The following NRDE2 variants were observed in gnomAD, a reference collection of about 807,000 sequenced individuals.
NRDE2 encodes nuclear exosome regulator NRDE2.
A neutral mutation model predicts 124.2 loss-of-function variants in NRDE2; 76 were observed. The ratio of observed to expected loss-of-function variants is 0.61; its 90% CI spans 0.51 to 0.74. The LOEUF is 0.74. NRDE2 is among the 30% of genes least tolerant of loss of function. The pLI, the probability that NRDE2 is intolerant of heterozygous loss-of-function variation, is 0.00. For synonymous variants in NRDE2, 489 were observed against 528.1 expected, an observed-to-expected ratio of 0.93 and a Z score of 1.01; for missense variants, 1,314 against 1,417.3, an observed-to-expected ratio of 0.93 and a Z score of 1.17.
chr14:90,278,302 G>A lies in NRDE2; in HGVS notation c.*34C>T. 1.2e-6 allele frequency: 2 copies of A among 1,613,366 alleles called. No individual in the cohort carries two copies. The highest frequency in any genetic ancestry group is 1.7e-6 in the Non-Finnish European group (2 of 1,179,502). Reference sequence around the variant, plus strand: ...CTAGCTCCGCAGGGTGGGCAACTTGGCCTCGCAGGCACAGCCCGTTTTCCC... The same window carrying A: ...CTAGCTCCGCAGGGTGGGCAACTTGACCTCGCAGGCACAGCCCGTTTTCCC... On this transcript the variant is annotated 3_prime_UTR_variant, in exon 14 of 14. Coordinates refer to ENST00000354366, the MANE Select transcript of NRDE2 (RefSeq NM_017970.4).
In NRDE2 at chr14:90,270,467, A is replaced by G; in HGVS notation, c.*7869T>C. 8.5e-7 allele frequency: 1 copy of G among 1,180,730 alleles called. No individual in the cohort carries two copies. The allele number at this position is 1,180,730 out of a possible 1,614,324, so 73.1% of individuals were successfully genotyped here. On this transcript the variant is annotated 3_prime_UTR_variant, in exon 14 of 14. Transcript: ENST00000354366. ...TGGACAGGTGGGTGTCTGTATTTTAATCATCATATTGGTTTACGATTACAT... is the reference window on the plus strand; with the variant it reads ...TGGACAGGTGGGTGTCTGTATTTTAGTCATCATATTGGTTTACGATTACAT...
intron 8 of NRDE2, among the ~76,000 whole-genome samples, chr14:90,297,258 T>C (rs1362734621): frequency 6.6e-6 from 1 of 152,116 alleles, no homozygotes; most frequent in East Asian, 1.9e-4. Context: ...ACCTAGTTAA[T>C]AATTTTTTTT....
chr14:90,321,196 G>A (rs1039278353), intron 1 of NRDE2, among the ~76,000 whole-genome samples: 1 of 152,140 alleles, frequency 6.6e-6, no homozygotes, highest in African/African-American at 2.4e-5. Context: ...ACAACATACA[G>A]TGTGTGACTC....
chr14:90,275,252 A>G lies in NRDE2; in HGVS notation c.*3084T>C, dbSNP rs1270907969. The G allele has an allele frequency of 6.6e-6, 1 of 152,148 alleles. No homozygotes were observed. Among genetic ancestry groups the G allele is most frequent in the Non-Finnish European group, 1.5e-5 (1 of 68,032 alleles). 9.4% of individuals were successfully genotyped at this position (152,148 alleles called of 1,614,324 possible). A position where few individuals can be genotyped will look rare whatever the true frequency, so the allele number is the denominator to read the frequency against. Reference sequence around the variant, plus strand: ...CTGGATCCTTTTCCTAGAGGACATGACTGGGCCTGAGGACCTGCTAGGAGT... The same window carrying G: ...CTGGATCCTTTTCCTAGAGGACATGGCTGGGCCTGAGGACCTGCTAGGAGT... On this transcript the variant is annotated 3_prime_UTR_variant, in exon 14 of 14. Transcript: ENST00000354366.
At chr14:90,324,796 C>T (rs1885360921) in intron 1 of NRDE2, among the ~76,000 whole-genome samples, 1 of 152,050 alleles carries the variant, frequency 6.6e-6, no homozygotes, top group Non-Finnish European at 1.5e-5. Context: ...TCTGTGCGTA[C>T]ATTTGAACAG....
rs1374244227 is a variant in NRDE2 at position 90,274,834 on chromosome 14, A to ACCCCCC, written c.*3501_*3502insGGGGGG. 1 of 54,332 alleles carries ACCCCCC rather than the reference A, an allele frequency of 1.8e-5. No individual in the cohort carries two copies. The highest frequency in any genetic ancestry group is 4.9e-4 in the South Asian group (1 of 2,060). The allele number at this position is 54,332 out of a possible 1,614,324, so 3.4% of individuals were successfully genotyped here. ...CACACACACACACACACACACACAC[A>ACCCCCC]CACACCCCAATACATATGAATTGAT... On this transcript the variant is annotated 3_prime_UTR_variant, in exon 14 of 14. Coordinates refer to ENST00000354366, the MANE Select transcript of NRDE2 (RefSeq NM_017970.4).
At position 90,271,334 on chromosome 14, in the gene NRDE2, A is replaced by G. The variant is rs1891656174; in HGVS notation, c.*7002T>C. The stretch of plus-strand genomic sequence containing the variant: ...GAAAACAATAACAGTAACCCACATA[A>G]TATGTTTGTTTGCTGTCCTTCTCTA... On this transcript the variant is annotated 3_prime_UTR_variant, in exon 14 of 14. Transcript: ENST00000354366. 6.6e-6 allele frequency: 1 copy of G among 152,086 alleles called. No homozygotes were observed. The highest frequency in any genetic ancestry group is 1.5e-5 in the Non-Finnish European group (1 of 68,016). 9.4% of individuals were successfully genotyped at this position (152,086 alleles called of 1,614,324 possible).
intron 1 of NRDE2, among the ~76,000 whole-genome samples, chr14:90,319,793 T>C (rs1885177468): frequency 6.6e-6 from 1 of 152,224 alleles, no homozygotes; most frequent in African/African-American, 2.4e-5. Flanking sequence ...TGAATATTCA[T>C]GTACAAGTTT....
intron 1 of NRDE2, among the ~76,000 whole-genome samples, chr14:90,324,585 A>G (rs538463062): frequency 1.5e-4 from 23 of 150,724 alleles, no homozygotes; most frequent in African/African-American, 5.1e-4. Context: ...CTGAGGGAGG[A>G]GAATCGTTTG....
At chr14:90,315,113 G>T (rs1488902617) in intron 3 of NRDE2, among the ~76,000 whole-genome samples, 1 of 148,122 alleles carries the variant, frequency 6.8e-6, no homozygotes, top group Non-Finnish European at 1.5e-5. Context: ...GGAGGCAGAG[G>T]TTGCAGTGAG....
chr14:90,280,020 G>C (rs942995155), intron 12 of NRDE2: 1 of 152,330 alleles, frequency 6.6e-6, no homozygotes, highest in Non-Finnish European at 1.5e-5. Context: ...CCAGAAACCT[G>C]AACAGTGGCA....
chr14:90,301,502 C>T, intron 6 of NRDE2, 130 bp from the exon 7 acceptor site: 1 of 781,252 alleles, frequency 1.3e-6, no homozygotes, highest in Non-Finnish European at 2.1e-6. Flanking sequence ...ATTTACAAAG[C>T]TGTGATACAT....
intron 1 of NRDE2, 27 bp downstream of exon 1, chr14:90,331,814 C>T (rs754686055): frequency 1.2e-6 from 2 of 1,613,212 alleles, no homozygotes; most frequent in Admixed American, 1.7e-5. Context: ...CCCCCAGGTG[C>T]CTTCTTCGGC....
chr14:90,278,665 C>T (rs772005896), intron 13 of NRDE2: 55 of 601,064 alleles, frequency 9.2e-5, no homozygotes, highest in Non-Finnish European at 1.4e-4. Flanking sequence ...AGTGAGCAAA[C>T]GCCAAGCGAG....
chr14:90,293,345 G>C lies in NRDE2; in HGVS notation c.1667-473C>G, dbSNP rs552557132. On this transcript the variant is annotated intron_variant, in intron 8 of 13. Coordinates refer to ENST00000354366, the MANE Select transcript of NRDE2 (RefSeq NM_017970.4). ...TGCACACTGCAATCTCCGCCTCCCA[G>C]GTTCAAGCAATTCTCCTGCCTCAGC... Among the ~76,000 whole-genome samples the C allele has an allele frequency of 1.2e-4, 19 of 152,192 alleles. No individual in the cohort carries two copies. In the East Asian group the frequency reaches 3.7e-3, roughly 29 times the overall value.
intron 4 of NRDE2, among the ~76,000 whole-genome samples, chr14:90,312,152 C>T (rs900737894): frequency 2.0e-5 from 3 of 152,150 alleles, no homozygotes; most frequent in Non-Finnish European, 2.9e-5. Flanking sequence ...ACTTATTGAA[C>T]GCCTACTGTG....
At chr14:90,278,628 G>T in intron 13 of NRDE2, 167 bp from the exon 14 acceptor site, 1 of 756,284 alleles carries the variant, frequency 1.3e-6, no homozygotes, top group Non-Finnish European at 2.1e-6. Context: ...CACTGGGCAT[G>T]TTCAGGAAGG....
chr14:90,319,313 GA>G (rs1431466729), intron 1 of NRDE2, among the ~76,000 whole-genome samples: 2 of 152,120 alleles, frequency 1.3e-5, no homozygotes, highest in African/African-American at 2.4e-5. Flanking sequence ...CTGCATTTTT[GA>G]ACAGTTTTAT....
intron 12 of NRDE2, among the ~76,000 whole-genome samples, chr14:90,284,739 CT>C (rs1892053440): frequency 6.6e-6 from 1 of 151,910 alleles, no homozygotes; most frequent in Admixed American, 6.6e-5. Context: ...CTGAGTACCC[CT>C]GAACTAAAGC....
Sources: allele counts gnomAD v4.1 joint callset (sites outside exome capture counted in the v4.1 genomes callset), GRCh38; gene constraint gnomAD v4.1.1; transcripts MANE v1.5; gene names NCBI Gene and HGNC (gene_info 2026-07-23, HGNC 2026-07-21).